The following TMTC1 variants were observed in gnomAD, a reference collection of about 807,000 sequenced individuals.
TMTC1 encodes protein O-mannosyl-transferase TMTC1.
Under a neutral mutation model 104.8 loss-of-function variants are expected in TMTC1, and 73 were observed. The observed-to-expected ratio is 0.70, with a 90% confidence interval of 0.58 to 0.85. The LOEUF is 0.85. Among genes scored for constraint, TMTC1 ranks in the 40% least tolerant of loss-of-function variants. The pLI is 0.00. For synonymous variants in TMTC1, 434 were observed against 428.7 expected, an observed-to-expected ratio of 1.01 and a Z score of -0.15; for missense variants, 1,035 against 1,096.1, an observed-to-expected ratio of 0.94 and a Z score of 0.79.
chr12:29,727,566 C>T (rs1375203420), intron 5 of TMTC1, among the ~76,000 whole-genome samples: 1 of 151,874 alleles, frequency 6.6e-6, no homozygotes, highest in Non-Finnish European at 1.5e-5. Flanking sequence ...TCAGTAGAGA[C>T]GGGTTTTCAC....
intron 9 of TMTC1, among the ~76,000 whole-genome samples, chr12:29,560,077 G>A (rs1945340764): frequency 1.3e-5 from 2 of 152,170 alleles, no homozygotes; most frequent in South Asian, 2.1e-4. Context: ...TCCAGGAAGG[G>A]AATTTTCTAT....
At chr12:29,774,133 C>A (rs888284135) in intron 1 of TMTC1, among the ~76,000 whole-genome samples, 1 of 152,112 alleles carries the variant, frequency 6.6e-6, no homozygotes, top group Non-Finnish European at 1.5e-5. Flanking sequence ...GAGATTTTAG[C>A]ATCTCAACCT....
At chr12:29,608,730 AC>A (rs1269035980) in intron 6 of TMTC1, among the ~76,000 whole-genome samples, 2 of 152,126 alleles carry the variant, frequency 1.3e-5, no homozygotes, top group Non-Finnish European at 2.9e-5. Flanking sequence ...CTGTCTTAAC[AC>A]CCAGACGGGG....
chr12:29,586,560 T>G (rs1276794489), intron 7 of TMTC1, among the ~76,000 whole-genome samples: 1 of 152,086 alleles, frequency 6.6e-6, no homozygotes, highest in Non-Finnish European at 1.5e-5. Context: ...CAGTATGATA[T>G]TGGCGTGGGT....
intron 10 of TMTC1, among the ~76,000 whole-genome samples, chr12:29,552,500 AGGCTGTAGCCCAGTTTTC>A (rs1330458926): frequency 6.6e-6 from 1 of 152,196 alleles, no homozygotes; most frequent in Non-Finnish European, 1.5e-5. Flanking sequence ...GTGATGCTGC[AGGCTGTAGCCCAGTTTTC>A]AGGTGGGCCA....
At chr12:29,733,272 G>A (rs755321692) in intron 5 of TMTC1, among the ~76,000 whole-genome samples, 72 of 152,142 alleles carry the variant, frequency 4.7e-4, no homozygotes, top group Non-Finnish European at 8.8e-4. Flanking sequence ...CAGATGGTGT[G>A]GGTGGCGGAA....
intron 1 of TMTC1, among the ~76,000 whole-genome samples, chr12:29,775,466 C>T (rs1344760737): frequency 1.3e-5 from 2 of 152,122 alleles, no homozygotes; most frequent in South Asian, 2.1e-4. Context: ...TCAGAGAAAT[C>T]GAGTAACCCC....
chr12:29,720,666 T>C (rs1942212369), intron 5 of TMTC1, among the ~76,000 whole-genome samples: 1 of 151,136 alleles, frequency 6.6e-6, no homozygotes, highest in Admixed American at 6.6e-5. Flanking sequence ...TTAATAGAAA[T>C]GGGGGAGAGT....
rs898919279 is a variant in TMTC1, at chr12:29,662,575, G to A, written c.939-29239C>T. On this transcript the variant is annotated intron_variant, in intron 5 of 17. Transcript: ENST00000539277. The stretch of plus-strand genomic sequence containing the variant: ...TGAGACAGAAGAATCATTTGAACCC[G>A]GGAGGCGGAGGTTGCAGTGAGCCGA... Among the ~76,000 whole-genome samples, 8 of 150,924 alleles carry A rather than the reference G, an allele frequency of 5.3e-5. No individual in the cohort carries two copies. The South Asian group carries it at 6.3e-4, about 12-fold the overall frequency.
chr12:29,526,592 T>G (rs1944352132), intron 11 of TMTC1, among the ~76,000 whole-genome samples: 2 of 152,290 alleles, frequency 1.3e-5, no homozygotes, highest in Admixed American at 1.3e-4. Context: ...ATCCAAATAA[T>G]GTGATCTTTA....
At chr12:29,676,863 G>C (rs780446580) in intron 5 of TMTC1, among the ~76,000 whole-genome samples, 3 of 152,186 alleles carry the variant, frequency 2.0e-5, no homozygotes, top group Non-Finnish European at 2.9e-5. Flanking sequence ...GTGGGCAGTT[G>C]GGGAGTCATT....
chr12:29,534,285 C>T (rs1944582787), intron 11 of TMTC1: 1 of 152,202 alleles, frequency 6.6e-6, no homozygotes, highest in South Asian at 2.1e-4. Context: ...GAAGGCAGTC[C>T]TGAGTTATGC....
intron 5 of TMTC1, among the ~76,000 whole-genome samples, chr12:29,719,636 C>T (rs6487847): frequency 0.24 from 35,795 of 152,122 alleles, 5,074 homozygotes; most frequent in Admixed American, 0.32. Context: ...TTGACTCTCC[C>T]TCTTGGGTGG....
chr12:29,740,069 T>C (rs957304398), intron 5 of TMTC1, among the ~76,000 whole-genome samples: 2 of 152,146 alleles, frequency 1.3e-5, no homozygotes, highest in Non-Finnish European at 2.9e-5. Flanking sequence ...CAGGCTGAAG[T>C]GCAGTGGTGT....
intron 5 of TMTC1, among the ~76,000 whole-genome samples, chr12:29,676,066 C>T (rs1212929449): frequency 2.0e-5 from 3 of 152,224 alleles, no homozygotes; most frequent in Non-Finnish European, 4.4e-5. Flanking sequence ...TTTTAAAGCA[C>T]ACCATATCTA....
At chr12:29,674,964 T>C (rs1469993651) in intron 5 of TMTC1, among the ~76,000 whole-genome samples, 1 of 152,266 alleles carries the variant, frequency 6.6e-6, no homozygotes, top group Non-Finnish European at 1.5e-5. Context: ...TAATCTAATG[T>C]TTCCATTTTC....
intron 2 of TMTC1, 126 bp downstream of exon 2, chr12:29,767,772 A>C: frequency 1.2e-6 from 1 of 852,204 alleles, no homozygotes; most frequent in East Asian, 2.7e-5. Context: ...GTATATATCT[A>C]TATACACACA....
At chr12:29,589,134 A>G (rs1946215943) in intron 7 of TMTC1, among the ~76,000 whole-genome samples, 1 of 152,200 alleles carries the variant, frequency 6.6e-6, no homozygotes, top group South Asian at 2.1e-4. Context: ...AGAAGAATAC[A>G]TATTTGACTA....
At chr12:29,756,370 CATCAAGTG>C in intron 3 of TMTC1, among the ~76,000 whole-genome samples, 1 of 152,148 alleles carries the variant, frequency 6.6e-6, no homozygotes, top group Non-Finnish European at 1.5e-5. Flanking sequence ...ACTTGTCACA[CATCAAGTG>C]TGTATCACCA....
Sources: allele counts gnomAD v4.1 joint callset (sites outside exome capture counted in the v4.1 genomes callset), GRCh38; gene constraint gnomAD v4.1.1; transcripts MANE v1.5; gene names NCBI Gene and HGNC (gene_info 2026-07-23, HGNC 2026-07-21).